The following OPCML variants were observed in gnomAD, a reference collection of about 807,000 sequenced individuals.
The protein encoded by OPCML is opioid-binding protein/cell adhesion molecule.
Under a neutral mutation model 37.8 loss-of-function variants are expected in OPCML, and 13 were observed. The observed-to-expected ratio is 0.34, with a 90% CI of 0.22 to 0.55. OPCML has a LOEUF of 0.55. Ranked by LOEUF, OPCML falls within the 20% of genes least tolerant of loss-of-function variation. The pLI is 0.91. For missense variants in OPCML, 341 were observed against 435.6 expected (o/e 0.78, Z 1.93); for synonymous variants, 176 against 168.8 (o/e 1.04, Z -0.33).
At chr11:132,784,746 TGTTG>T (rs1266449214) in intron 2 of OPCML, among the ~76,000 whole-genome samples, 1 of 152,146 alleles carries the variant, frequency 6.6e-6, no homozygotes, top group Non-Finnish European at 1.5e-5. Context: ...ACATGAGATC[TGTTG>T]AAAAGAGCCT....
rs543735851 is a variant in OPCML at position 133,498,000 on chromosome 11, T to C, written c.61+34264A>G. 3.9e-5 allele frequency among the ~76,000 whole-genome samples: 6 copies of C among 152,236 alleles called. No homozygotes were observed. The East Asian group carries it at 9.7e-4, about 25-fold the overall frequency. On this transcript the variant is annotated intron_variant, in intron 1 of 7. Transcript: ENST00000524381. The stretch of plus-strand genomic sequence containing the variant: ...GCTTCCCAGGCTCCATCCTCTGCTT[T>C]TGTCAATTTAAAAGGGAACATCAGC...
intron 1 of OPCML, among the ~76,000 whole-genome samples, chr11:133,028,389 C>T (rs1317990623): frequency 6.6e-6 from 1 of 152,126 alleles, no homozygotes; most frequent in Admixed American, 6.6e-5. Context: ...GCCTCATCTG[C>T]TTACAGGAAA....
chr11:133,175,952 A>G (rs1286266795), intron 1 of OPCML, among the ~76,000 whole-genome samples: 1 of 152,174 alleles, frequency 6.6e-6, no homozygotes, highest in African/African-American at 2.4e-5. Flanking sequence ...CAAGTGAAGG[A>G]TTATGGGAAA....
At chr11:133,234,302 C>G (rs1276522363) in intron 1 of OPCML, among the ~76,000 whole-genome samples, 2 of 152,048 alleles carry the variant, frequency 1.3e-5, no homozygotes, top group African/African-American at 2.4e-5. Flanking sequence ...CCATGAATAA[C>G]CAAACCTCTG....
intron 3 of OPCML, among the ~76,000 whole-genome samples, chr11:132,604,205 C>T (rs888523012): frequency 1.3e-5 from 2 of 152,082 alleles, no homozygotes; most frequent in African/African-American, 4.8e-5. Flanking sequence ...AAGAAAGCCC[C>T]TCAAAGTCAT....
At chr11:133,259,492 G>C (rs73598483) in intron 1 of OPCML, among the ~76,000 whole-genome samples, 1,848 of 152,214 alleles carry the variant, frequency 0.012, 48 homozygotes, top group African/African-American at 0.043. Flanking sequence ...ATTTCTTCTT[G>C]TAAAACTCTG....
intron 1 of OPCML, among the ~76,000 whole-genome samples, chr11:133,323,275 T>C (rs1318531674): frequency 6.6e-6 from 1 of 152,184 alleles, no homozygotes; most frequent in Non-Finnish European, 1.5e-5. Context: ...AAGCAGAAGA[T>C]TGGATTTCTG....
At chr11:132,766,352 T>C (rs939169955) in intron 2 of OPCML, among the ~76,000 whole-genome samples, 6 of 152,160 alleles carry the variant, frequency 3.9e-5, no homozygotes, top group Admixed American at 3.3e-4. Context: ...ATGGTAACAT[T>C]AAAGTGGAGA....
intron 1 of OPCML, among the ~76,000 whole-genome samples, chr11:133,452,223 T>C (rs1471280376): frequency 2.0e-5 from 3 of 151,624 alleles, no homozygotes; most frequent in South Asian, 4.1e-4. Context: ...GTAGTTATTA[T>C]AACTATGCTC....
intron 3 of OPCML, among the ~76,000 whole-genome samples, chr11:132,652,652 C>A (rs1941490515): frequency 6.6e-6 from 1 of 152,198 alleles, no homozygotes; most frequent in African/African-American, 2.4e-5. Flanking sequence ...TCAAAGGTGA[C>A]AAACACTGTG....
At chr11:133,431,792 A>G (rs1591492066) in intron 1 of OPCML, among the ~76,000 whole-genome samples, 1 of 147,944 alleles carries the variant, frequency 6.8e-6, no homozygotes, top group South Asian at 2.1e-4. Flanking sequence ...ATATATATAT[A>G]TAAAATATTT....
chr11:132,480,346 C>T (rs575831496), intron 4 of OPCML, among the ~76,000 whole-genome samples: 1 of 152,194 alleles, frequency 6.6e-6, no homozygotes, highest in South Asian at 2.1e-4. Flanking sequence ...ACGAGTAAAG[C>T]CTTGAAGAAA....
intron 2 of OPCML, among the ~76,000 whole-genome samples, chr11:132,884,785 T>G (rs1345350337): frequency 2.6e-5 from 4 of 152,250 alleles, no homozygotes. Context: ...CAAATTGGTT[T>G]TACTAAAATA....
chr11:133,359,187 G>A (rs1944359459), intron 1 of OPCML, among the ~76,000 whole-genome samples: 1 of 152,148 alleles, frequency 6.6e-6, no homozygotes, highest in Admixed American at 6.5e-5. Context: ...GCTTTTGCTT[G>A]ACATATAAAT....
chr11:133,283,982 C>T (rs1257928922), intron 1 of OPCML, among the ~76,000 whole-genome samples: 1 of 152,206 alleles, frequency 6.6e-6, no homozygotes, highest in Non-Finnish European at 1.5e-5. Context: ...CCCTAAAACA[C>T]CTTCTCACTT....
At chr11:132,440,735 ATGT>A (rs1294610349) in intron 4 of OPCML, among the ~76,000 whole-genome samples, 2 of 152,158 alleles carry the variant, frequency 1.3e-5, no homozygotes, top group Admixed American at 6.5e-5. Flanking sequence ...AAAAGGGAAA[ATGT>A]TGTTGAAACT....
intron 1 of OPCML, among the ~76,000 whole-genome samples, chr11:133,221,191 G>C (rs1939806636): frequency 6.6e-6 from 1 of 152,198 alleles, no homozygotes; most frequent in Non-Finnish European, 1.5e-5. Context: ...GCTTGGGACA[G>C]AGCCGGCCAC....
chr11:133,416,189 T>TTA (rs560805871), intron 1 of OPCML, among the ~76,000 whole-genome samples: 2 of 149,192 alleles, frequency 1.3e-5, no homozygotes, highest in African/African-American at 4.9e-5. Context: ...ATCTTCAAGA[T>TTA]AAAAAAAAAA....
intron 1 of OPCML, among the ~76,000 whole-genome samples, chr11:133,264,800 CATCAATATGTCATAATTA>C (rs1445437691): frequency 2.0e-5 from 3 of 152,086 alleles, no homozygotes; most frequent in East Asian, 3.9e-4. Context: ...ATACATCTGT[CATCAATATGTCATAATTA>C]ATCATAAATA....
Sources: gnomAD v4.1 joint callset for allele counts (sites outside exome capture counted in the v4.1 genomes callset) on GRCh38, gnomAD v4.1.1 for gene constraint, MANE v1.5 for transcripts, NCBI Gene and HGNC (gene_info 2026-07-23, HGNC 2026-07-21) for gene names.